Variants in IL6ST observed in about 807,000 individuals in gnomAD.
IL6ST encodes the protein interleukin 6 cytokine family signal transducer.
In IL6ST, 24 loss-of-function variants were observed where a neutral mutation model predicts 91.3. The ratio of observed to expected loss-of-function variants is 0.26; its 90% CI spans 0.19 to 0.37. The LOEUF (loss-of-function observed/expected upper bound fraction) is 0.37. Among genes scored for constraint, IL6ST ranks in the 10% least tolerant of loss-of-function variants. The pLI is 1.00. For synonymous variants in IL6ST, 351 were observed against 373.6 expected (o/e 0.94, Z 0.70); for missense variants, 914 against 1,078.5 (o/e 0.85, Z 2.14).
intron 4 of IL6ST, among the ~76,000 whole-genome samples, chr5:55,968,679 A>G (rs1000773277): frequency 6.6e-6 from 1 of 152,220 alleles, no homozygotes; most frequent in Non-Finnish European, 1.5e-5. Flanking sequence ...ACTGGAAAAA[A>G]ATATCAACTG....
At chr5:55,952,935 C>T (rs1481825182) in intron 11 of IL6ST, among the ~76,000 whole-genome samples, 1 of 152,014 alleles carries the variant, frequency 6.6e-6, no homozygotes, top group Admixed American at 6.6e-5. Context: ...GTGGTGGGCA[C>T]CTGTAGTCCC....
At chr5:55,949,176 A>G (rs1490661357) in intron 14 of IL6ST, among the ~76,000 whole-genome samples, 2 of 152,144 alleles carry the variant, frequency 1.3e-5, no homozygotes, top group African/African-American at 4.8e-5. Context: ...ATGAACACCT[A>G]TGTAATAAAA....
At position 55,954,992 on chromosome 5, in the gene IL6ST, G is replaced by A; in HGVS notation, c.1268C>T (p.Ala423Val). 6.3e-7 allele frequency: 1 copy of A among 1,577,026 alleles called. No individual in the cohort carries two copies. The highest frequency in any genetic ancestry group is 8.6e-7 in the Non-Finnish European group (1 of 1,162,566). The change falls in exon 11 of 17, where the codon GCT (alanine) becomes GTT (valine). Residue 423 changes from alanine (A) to valine (V), a missense_variant and splice_region_variant. Ala to Val is a moderately conservative substitution (Grantham distance 64, BLOSUM62 0). Coordinates refer to ENST00000381298, the MANE Select transcript of IL6ST (RefSeq NM_002184.4). ...TTTAAGATCCATTACAGGGTGAGTA[G>A]CTTTAAAACAAAGTTTGAATATTGA... is the stretch of plus-strand genomic sequence containing the variant. ...VLTIPACDFQ[A>V]THPVMDLKAF...
chr5:55,947,954 A>G lies in IL6ST; in HGVS notation c.1841-365T>C, dbSNP rs1172306217. Among the ~76,000 whole-genome samples the G allele has an allele frequency of 3.9e-5, 6 of 152,220 alleles. No individual in the cohort carries two copies. In the East Asian group the frequency reaches 9.6e-4, roughly 24 times the overall value. On this transcript the variant is annotated intron_variant, in intron 14 of 16. Transcript: ENST00000381298. ...GAATCTTAGTAAAAGTTTATCTCTG[A>G]GTTCTAATACTGTATAACAGAGAAA...
chr5:55,993,474 GAAC>G (rs1238583266), intron 1 of IL6ST, among the ~76,000 whole-genome samples: 1 of 152,176 alleles, frequency 6.6e-6, no homozygotes, highest in Non-Finnish European at 1.5e-5. Flanking sequence ...ATAAGAGTGA[GAAC>G]AACATTTTTA....
At chr5:55,963,304 G>A in intron 7 of IL6ST, 48 bp downstream of exon 7, 1 of 1,315,532 alleles carries the variant, frequency 7.6e-7, no homozygotes, top group Non-Finnish European at 1.0e-6. Flanking sequence ...TTTAAGATTA[G>A]AGGGTTGAAA....
At position 55,941,572 on chromosome 5, in the gene IL6ST, G is replaced by T; in HGVS notation, c.2267C>A (p.Thr756Asn). The T allele has an allele frequency of 1.2e-6, 2 of 1,614,226 alleles. No individual in the cohort carries two copies. Among genetic ancestry groups the T allele is most frequent in the Non-Finnish European group, 1.7e-6 (2 of 1,180,020 alleles). The change falls in exon 17 of 17, where the codon ACT becomes AAT. Residue 756 changes from threonine to asparagine, a missense_variant. Thr to Asn is a moderately conservative substitution (Grantham distance 65). Coordinates refer to ENST00000381298, the MANE Select transcript of IL6ST (RefSeq NM_002184.4). ...ENESSQNTSS[T>N]VQYSTVVHSG... ...GTGTACCACGGTAGAATACTGGACA[G>T]TGCTCGAAGTGTTTTGTGAAGATTC...
chr5:55,968,391 G>C lies in IL6ST; in HGVS notation c.376C>G (p.Pro126Ala). The C allele has an allele frequency of 6.2e-7, 1 of 1,611,604 alleles. No individual in the cohort carries two copies. Among genetic ancestry groups the C allele is most frequent in the Non-Finnish European group, 8.5e-7 (1 of 1,179,200 alleles). ...YGITIISGLP[P>A]EKPKNLSCIV... ...CAACTCAAATTTTTAGGTTTTTCTG[G>C]AGGCACTAAAAGGGATTAATTAGCA... The change falls in exon 5 of 17, where the codon CCA (proline) becomes GCA (alanine). Residue 126 changes from proline to alanine, a missense_variant. Physicochemically the swap from Pro to Ala is conservative, Grantham distance 27. Transcript: ENST00000381298.
Position 55,943,742 on chromosome 5 carries a change from C to A in IL6ST, c.1938-991G>T, listed in dbSNP as rs114754646. Reference sequence around the variant, plus strand: ...TAGCAAGGCAAAACAGAAATAAGAACTTCCCCCCTGCAAGTAGTAGTAAAG... The same window carrying A: ...TAGCAAGGCAAAACAGAAATAAGAAATTCCCCCCTGCAAGTAGTAGTAAAG... On this transcript the variant is annotated intron_variant, in intron 15 of 16. Transcript: ENST00000381298. Among the ~76,000 whole-genome samples the A allele has an allele frequency of 3.3e-3, 507 of 152,154 alleles. 1 individual carries two copies. Among genetic ancestry groups the A allele is most frequent in the African/African-American group, 0.012 (484 of 41,500 alleles).
rs147937475 is a variant in IL6ST, at chr5:55,981,469, C to A, written c.-16+1255G>T. On this transcript the variant is annotated intron_variant, in intron 2 of 16. Coordinates refer to ENST00000381298, the MANE Select transcript of IL6ST (RefSeq NM_002184.4). ...ACGAGCCTAACCAATATGATGAAGC[C>A]CCGTCTCTAATAAAAATACAAAAAT... Among the ~76,000 whole-genome samples the A allele has an allele frequency of 8.6e-3, 1,311 of 152,118 alleles. 17 individuals carry two copies. The highest frequency in any genetic ancestry group is 0.03 in the African/African-American group (1,238 of 41,510).
At chr5:55,942,999 A>C (rs993427271) in intron 15 of IL6ST, among the ~76,000 whole-genome samples, 9 of 152,194 alleles carry the variant, frequency 5.9e-5, no homozygotes, top group Non-Finnish European at 1.3e-4. Flanking sequence ...TCAGTGTTCA[A>C]ATTTTTTTTT....
chr5:55,936,350 T>G lies in IL6ST; in HGVS notation c.*4732A>C, dbSNP rs969456641. ...CTTGACAACCAAGTAGGTTTTTTTT[T>G]TTTTTTTTTTTTTTAATGTCCACTA... is the stretch of plus-strand genomic sequence containing the variant. On this transcript the variant is annotated 3_prime_UTR_variant, in exon 17 of 17. Transcript: ENST00000381298. 10 of 211,382 alleles carry G rather than the reference T, an allele frequency of 4.7e-5. No homozygotes were observed. The highest frequency in any genetic ancestry group is 9.5e-5 in the Non-Finnish European group (10 of 105,434). 13.1% of individuals were successfully genotyped at this position (211,382 alleles called of 1,614,324 possible).
intron 14 of IL6ST, among the ~76,000 whole-genome samples, chr5:55,949,569 C>T (rs1263171242): frequency 6.6e-6 from 1 of 152,046 alleles, no homozygotes; most frequent in African/African-American, 2.4e-5. Context: ...GATGGCTGGT[C>T]TCCACAGAAA....
intron 5 of IL6ST, among the ~76,000 whole-genome samples, chr5:55,964,789 T>G (rs2111778189): frequency 6.6e-6 from 1 of 152,304 alleles, no homozygotes; most frequent in Admixed American, 6.5e-5. Flanking sequence ...AACTACTTTC[T>G]GATTTCTATC....
intron 4 of IL6ST, 49 bp downstream of exon 4, chr5:55,969,501 A>T (rs1752830073): frequency 8.6e-7 from 1 of 1,159,216 alleles, no homozygotes; most frequent in Non-Finnish European, 1.2e-6. Context: ...TTAAAAATGC[A>T]GTTCAATAGT....
At chr5:55,982,895 T>C in intron 1 of IL6ST, 84 bp from the exon 2 acceptor site, 1 of 396,142 alleles carries the variant, frequency 2.5e-6, no homozygotes, top group East Asian at 3.6e-5. Context: ...CATCTGCTCT[T>C]AGGCTTTTGG....
chr5:55,965,590 A>G (rs1752582682), intron 5 of IL6ST, among the ~76,000 whole-genome samples: 2 of 151,852 alleles, frequency 1.3e-5, no homozygotes, highest in Admixed American at 6.6e-5. Context: ...ATGAAACCAG[A>G]GAGTTTTGGG....
rs1437208327 is a variant in IL6ST at position 55,954,928 on chromosome 5, A to T, written c.1332T>A (p.Thr444=). The change falls in exon 11 of 17, where the codon ACT becomes ACA. Residue 444 remains threonine, a synonymous_variant. Transcript: ENST00000381298. ...ATTTCTTTACAGATTCCCTTGGAGT[A>T]GTCCATTCCACCCAAAGCATGTTAT... The part of the protein sequence containing the change: ...PKDNMLWVEW[T]TPRESVKKYI... The T allele has an allele frequency of 1.2e-6, 2 of 1,612,632 alleles. No homozygotes were observed. The highest frequency in any genetic ancestry group is 2.7e-5 in the African/African-American group (2 of 74,894).
intron 2 of IL6ST, 36 bp from the exon 3 acceptor site, chr5:55,976,329 T>G: frequency 1.7e-6 from 2 of 1,196,412 alleles, no homozygotes; most frequent in South Asian, 2.9e-5. Context: ...TTTTAATATT[T>G]TTTCTCTTAT....
Sources: allele counts gnomAD v4.1 joint callset (sites outside exome capture counted in the v4.1 genomes callset), GRCh38; gene constraint gnomAD v4.1.1; transcripts MANE v1.5; gene names NCBI Gene and HGNC (gene_info 2026-07-23, HGNC 2026-07-21).